The following KCNQ3 variants were observed in gnomAD, a reference collection of about 807,000 sequenced individuals.
The protein encoded by KCNQ3 is potassium voltage-gated channel subfamily Q member 3.
In KCNQ3, 30 loss-of-function variants were observed where a neutral mutation model predicts 92.5. That is an observed-to-expected ratio of 0.32 (90% CI 0.24 to 0.44). The LOEUF (loss-of-function observed/expected upper bound fraction) is 0.44. Ranked by LOEUF, KCNQ3 falls within the 20% of genes least tolerant of loss-of-function variation. The probability of loss-of-function intolerance (pLI) is 1.00; values close to 1 mark genes in which losing one functional copy is unlikely to be tolerated. For missense variants in KCNQ3, 913 were observed against 1,140.3 expected, an observed-to-expected ratio of 0.80 and a Z score of 2.87; for synonymous variants, 450 against 468.8, an observed-to-expected ratio of 0.96 and a Z score of 0.52.
Position 132,128,607 on chromosome 8 carries a change from T to TTTTTTTTTTTTTTTTTTTTTG in KCNQ3, c.*654_*655insCAAAAAAAAAAAAAAAAAAAA, listed in dbSNP as rs1554621165. 6.5e-6 allele frequency: 1 copy of TTTTTTTTTTTTTTTTTTTTTG among 153,346 alleles called. No homozygotes were observed. Among genetic ancestry groups the TTTTTTTTTTTTTTTTTTTTTG allele is most frequent in the Non-Finnish European group, 1.4e-5 (1 of 68,984 alleles). The allele number at this position is 153,346 out of a possible 1,614,324, so 9.5% of individuals were successfully genotyped here. The stretch of plus-strand genomic sequence containing the variant: ...TACACTTGGGATTACCACCACTTTT[T>TTTTTTTTTTTTTTTTTTTTTG]ACAGATAAGGAAACTGAGGCATGAT... On this transcript the variant is annotated 3_prime_UTR_variant, in exon 15 of 15. Transcript: ENST00000388996.
At chr8:132,205,077 T>C (rs1015210918) in intron 1 of KCNQ3, among the ~76,000 whole-genome samples, 1 of 152,228 alleles carries the variant, frequency 6.6e-6, no homozygotes, top group African/African-American at 2.4e-5. Context: ...TGGCTCACTC[T>C]CATCAGGATC....
chr8:132,263,906 G>T (rs542642975), intron 1 of KCNQ3, among the ~76,000 whole-genome samples: 1 of 152,024 alleles, frequency 6.6e-6, no homozygotes, highest in Non-Finnish European at 1.5e-5. Context: ...GCCACCTCTT[G>T]TCTCACCCTG....
intron 1 of KCNQ3, among the ~76,000 whole-genome samples, chr8:132,440,993 C>T (rs1482976776): frequency 1.3e-5 from 2 of 152,208 alleles, no homozygotes; most frequent in African/African-American, 4.8e-5. Flanking sequence ...GCACTTAACT[C>T]TCTATTCTTA....
chr8:132,146,010 A>G lies in KCNQ3; in HGVS notation c.1263-4679T>C, dbSNP rs10956643. ...ATGTGGCCAAAACATTCTAAGTGAG[A>G]GGCAGAGTGGCACCAGATGAGATCA... is the stretch of plus-strand genomic sequence containing the variant. On this transcript the variant is annotated intron_variant, in intron 9 of 14. Coordinates refer to ENST00000388996, the MANE Select transcript of KCNQ3 (RefSeq NM_004519.4). Among the ~76,000 whole-genome samples, 665 of 152,374 alleles carry G rather than the reference A, an allele frequency of 4.4e-3. 7 individuals are homozygous for G. The highest frequency in any genetic ancestry group is 0.015 in the African/African-American group (638 of 41,588).
chr8:132,388,568 C>T (rs1447281776), intron 1 of KCNQ3, among the ~76,000 whole-genome samples: 2 of 151,868 alleles, frequency 1.3e-5, no homozygotes, highest in Non-Finnish European at 2.9e-5. Context: ...AATCATGTTG[C>T]CAGTAGCATG....
At chr8:132,427,758 G>T (rs1037670069) in intron 1 of KCNQ3, among the ~76,000 whole-genome samples, 1 of 152,172 alleles carries the variant, frequency 6.6e-6, no homozygotes, top group Non-Finnish European at 1.5e-5. Context: ...AAGACCGGGG[G>T]TAAAGCCACA....
At position 132,245,361 on chromosome 8, in the gene KCNQ3, CTATT is replaced by C. The variant is rs1433796561; in HGVS notation, c.387-59184_387-59181del. 3.3e-5 allele frequency among the ~76,000 whole-genome samples: 5 copies of C among 152,246 alleles called. No homozygotes were observed. In the South Asian group the frequency reaches 8.3e-4, roughly 25 times the overall value. On this transcript the variant is annotated intron_variant, in intron 1 of 14. Coordinates refer to ENST00000388996, the MANE Select transcript of KCNQ3 (RefSeq NM_004519.4). ...TGTCATCATTCTGCAAAACTCCTAT[CTATT>C]TGTCAAAGCCCTATTCAGATGTGCT...
chr8:132,178,924 G>GA (rs1252473633), intron 4 of KCNQ3, among the ~76,000 whole-genome samples: 1 of 149,224 alleles, frequency 6.7e-6, no homozygotes, highest in African/African-American at 2.5e-5. Context: ...AATTATTGAG[G>GA]AAATGGTCAT....
At chr8:132,366,229 T>C (rs1228921804) in intron 1 of KCNQ3, among the ~76,000 whole-genome samples, 17 of 152,304 alleles carry the variant, frequency 1.1e-4, no homozygotes. Flanking sequence ...TTAGGTATTT[T>C]ATATTTTCTA....
At chr8:132,409,470 A>T (rs1293824308) in intron 1 of KCNQ3, among the ~76,000 whole-genome samples, 2 of 152,096 alleles carry the variant, frequency 1.3e-5, no homozygotes, top group Non-Finnish European at 1.5e-5. Flanking sequence ...TAAAAAAAAA[A>T]AAAATAGCTC....
intron 1 of KCNQ3, among the ~76,000 whole-genome samples, chr8:132,452,002 G>T (rs1821830253): frequency 6.6e-6 from 1 of 152,098 alleles, no homozygotes; most frequent in Admixed American, 6.6e-5. Context: ...AAAGTCACTG[G>T]GCCCAAACAC....
chr8:132,279,497 G>A lies in KCNQ3; in HGVS notation c.387-93316C>T, dbSNP rs541653728. The stretch of plus-strand genomic sequence containing the variant: ...ATGAATTCAGTGAGAATCTATGGAC[G>A]TGAAGACAAGATTTCGAATGTTTTT... On this transcript the variant is annotated intron_variant, in intron 1 of 14. Transcript: ENST00000388996. Among the ~76,000 whole-genome samples the A allele has an allele frequency of 7.2e-5, 11 of 152,296 alleles. No individual in the cohort carries two copies. The South Asian group carries it at 1.2e-3, about 17-fold the overall frequency.
chr8:132,340,608 T>C (rs1975818), intron 1 of KCNQ3, among the ~76,000 whole-genome samples: 2,650 of 151,738 alleles, frequency 0.017, 28 homozygotes, highest in Non-Finnish European at 0.027. Flanking sequence ...CCAGGGCCTA[T>C]TGGGGGGTGG....
chr8:132,423,130 AC>A (rs1056644187), intron 1 of KCNQ3, among the ~76,000 whole-genome samples: 6 of 152,016 alleles, frequency 3.9e-5, no homozygotes, highest in African/African-American at 1.5e-4. Flanking sequence ...TGTAATTACC[AC>A]CCCCCACCAC....
intron 1 of KCNQ3, among the ~76,000 whole-genome samples, chr8:132,417,933 CAG>C (rs931316530): frequency 1.5e-4 from 23 of 152,278 alleles, no homozygotes; most frequent in African/African-American, 5.5e-4. Context: ...CAGAGGGCAG[CAG>C]AGTGAGGATG....
intron 3 of KCNQ3, 65 bp from the exon 4 acceptor site, chr8:132,180,394 G>T: frequency 6.4e-7 from 1 of 1,557,098 alleles, no homozygotes; most frequent in Non-Finnish European, 8.8e-7. Flanking sequence ...AAGCAATGGC[G>T]TCATCATAGG....
intron 1 of KCNQ3, among the ~76,000 whole-genome samples, chr8:132,347,955 C>G (rs150923919): frequency 8.1e-6 from 1 of 124,092 alleles, no homozygotes; most frequent in Non-Finnish European, 1.6e-5. Flanking sequence ...TCAGCCTGGG[C>G]GACAGAGCGA....
intron 1 of KCNQ3, among the ~76,000 whole-genome samples, chr8:132,384,430 C>G (rs565895252): frequency 2.0e-5 from 3 of 152,162 alleles, no homozygotes; most frequent in Non-Finnish European, 4.4e-5. Flanking sequence ...CAGGCTCCTA[C>G]AAGCACACAA....
chr8:132,253,858 T>C (rs1480988043), intron 1 of KCNQ3, among the ~76,000 whole-genome samples: 1 of 152,164 alleles, frequency 6.6e-6, no homozygotes, highest in Non-Finnish European at 1.5e-5. Context: ...CTCACAAAAA[T>C]TTACTGTAGA....
Sources: allele counts gnomAD v4.1 joint callset (sites outside exome capture counted in the v4.1 genomes callset), GRCh38; gene constraint gnomAD v4.1.1; transcripts MANE v1.5; gene names NCBI Gene and HGNC (gene_info 2026-07-23, HGNC 2026-07-21).